TBX15: variants seen among roughly 807,000 people sequenced by gnomAD.
TBX15 encodes the protein T-box transcription factor TBX15.
A neutral mutation model predicts 53.9 loss-of-function variants in TBX15; 18 were observed. The observed-to-expected ratio is 0.33, with a 90% CI of 0.23 to 0.49. The LOEUF (loss-of-function observed/expected upper bound fraction) is 0.49, where lower values mean the gene tolerates loss of function less well. Ranked by LOEUF, TBX15 falls within the 20% of genes least tolerant of loss-of-function variation. The probability of loss-of-function intolerance (pLI) is 0.98; values close to 1 mark genes in which losing one functional copy is unlikely to be tolerated. For synonymous variants in TBX15, 295 were observed against 278.0 expected, an observed-to-expected ratio of 1.06 and a Z score of -0.61; for missense variants, 692 against 749.5, an observed-to-expected ratio of 0.92 and a Z score of 0.90.
chr1:118,892,677 T>C (rs1654187947), intron 7 of TBX15, among the ~76,000 whole-genome samples: 1 of 152,210 alleles, frequency 6.6e-6, no homozygotes, highest in Admixed American at 6.5e-5. Context: ...TTTTTTCTCC[T>C]ACTGGGTTTA....
intron 1 of TBX15, among the ~76,000 whole-genome samples, chr1:118,966,302 C>T (rs1657032179): frequency 6.6e-6 from 1 of 152,140 alleles, no homozygotes; most frequent in African/African-American, 2.4e-5. Flanking sequence ...CACCCAGCAG[C>T]GATTTCACAA....
At chr1:118,928,899 A>C (rs1053145343) in intron 2 of TBX15, among the ~76,000 whole-genome samples, 1 of 152,210 alleles carries the variant, frequency 6.6e-6, no homozygotes, top group African/African-American at 2.4e-5. Flanking sequence ...AATCGACTAG[A>C]TAATCTCTAC....
intron 7 of TBX15, among the ~76,000 whole-genome samples, chr1:118,888,840 A>G (rs1250225794): frequency 6.6e-6 from 1 of 151,814 alleles, no homozygotes; most frequent in African/African-American, 2.4e-5. Flanking sequence ...ACAACTCTAA[A>G]TGGTTTTCTC....
intron 1 of TBX15, among the ~76,000 whole-genome samples, chr1:118,967,776 A>T (rs1356752717): frequency 6.6e-6 from 1 of 152,228 alleles, no homozygotes; most frequent in Non-Finnish European, 1.5e-5. Context: ...TTTAATTCTA[A>T]TTTAATTCAT....
upstream of TBX15, among the ~76,000 whole-genome samples, chr1:118,988,741 G>A (rs1202352063): frequency 6.6e-6 from 1 of 152,234 alleles, no homozygotes; most frequent in Admixed American, 6.5e-5. Flanking sequence ...AAACGATTCT[G>A]ATAATTTCGC....
At chr1:118,974,255 A>G (rs182140782) in intron 1 of TBX15, among the ~76,000 whole-genome samples, 2 of 152,312 alleles carry the variant, frequency 1.3e-5, no homozygotes, top group Admixed American at 1.3e-4. Context: ...ATCAAATCCC[A>G]TCAATCAGTT....
intron 2 of TBX15, among the ~76,000 whole-genome samples, chr1:118,928,125 C>T (rs902273233): frequency 6.6e-6 from 1 of 152,170 alleles, no homozygotes; most frequent in Non-Finnish European, 1.5e-5. Flanking sequence ...GTTACACACT[C>T]ACTACTCATC....
chr1:118,928,880 AAC>A (rs925208576), intron 2 of TBX15, among the ~76,000 whole-genome samples: 4 of 152,202 alleles, frequency 2.6e-5, no homozygotes, highest in Non-Finnish European at 5.9e-5. Context: ...TCACCTATAA[AAC>A]AAAGGAAATC....
chr1:118,923,166 T>C (rs1291081814), intron 5 of TBX15, among the ~76,000 whole-genome samples: 1 of 152,060 alleles, frequency 6.6e-6, no homozygotes. Flanking sequence ...CTAAGGAATT[T>C]GAGATGGTTT....
intron 1 of TBX15, among the ~76,000 whole-genome samples, chr1:118,985,906 T>G (rs1297957719): frequency 3.9e-5 from 6 of 152,184 alleles, no homozygotes; most frequent in Non-Finnish European, 8.8e-5. Context: ...GCCTCCTGAA[T>G]GGAGCTCAGG....
chr1:118,928,433 T>C (rs1236123531), intron 2 of TBX15, among the ~76,000 whole-genome samples: 7 of 152,216 alleles, frequency 4.6e-5, no homozygotes. Context: ...GATACTCACA[T>C]TGACTAAATC....
chr1:118,987,524 G>A, intron 1 of TBX15, 67 bp downstream of exon 1: 2 of 1,496,576 alleles, frequency 1.3e-6, no homozygotes, highest in Non-Finnish European at 1.8e-6. Context: ...CCTCACCCGC[G>A]ACCGGCGACT....
intron 1 of TBX15, among the ~76,000 whole-genome samples, chr1:118,966,934 G>T (rs1200679042): frequency 2.0e-5 from 3 of 152,198 alleles, no homozygotes; most frequent in African/African-American, 7.2e-5. Flanking sequence ...CAGCCAGCTG[G>T]TTCAGTCAAA....
intron 2 of TBX15, among the ~76,000 whole-genome samples, chr1:118,928,851 G>A (rs1366890866): frequency 6.6e-6 from 1 of 152,066 alleles, no homozygotes; most frequent in Non-Finnish European, 1.5e-5. Flanking sequence ...TGTGACTTTG[G>A]ATAAATCATT....
intron 1 of TBX15, among the ~76,000 whole-genome samples, chr1:118,945,405 A>G (rs1656316356): frequency 6.6e-6 from 1 of 152,140 alleles, no homozygotes; most frequent in Non-Finnish European, 1.5e-5. Context: ...GCAGACTGAT[A>G]ATTGTATAAC....
intron 6 of TBX15, among the ~76,000 whole-genome samples, chr1:118,902,984 T>C: frequency 6.6e-6 from 1 of 152,140 alleles, no homozygotes; most frequent in East Asian, 1.9e-4. Context: ...GTGTTCCACA[T>C]GGTGAGCCTC....
intron 7 of TBX15, among the ~76,000 whole-genome samples, chr1:118,891,691 C>T (rs1035594017): frequency 6.6e-6 from 1 of 152,070 alleles, no homozygotes; most frequent in African/African-American, 2.4e-5. Flanking sequence ...AGATTTAAAC[C>T]TCAAAATATG....
intron 7 of TBX15, among the ~76,000 whole-genome samples, chr1:118,893,269 A>AGAAG (rs373917263): frequency 0.25 from 15,029 of 60,980 alleles, 2,455 homozygotes; most frequent in Non-Finnish European, 0.3. Flanking sequence ...AAAGAAAGGA[A>AGAAG]GAAGGAAGGA....
intron 1 of TBX15, among the ~76,000 whole-genome samples, chr1:118,977,279 T>C (rs1657465206): frequency 6.6e-6 from 1 of 152,220 alleles, no homozygotes; most frequent in South Asian, 2.1e-4. Context: ...CATATAATTG[T>C]TATATACACA....
Sources: gnomAD v4.1 joint callset for allele counts (sites outside exome capture counted in the v4.1 genomes callset) on GRCh38, gnomAD v4.1.1 for gene constraint, MANE v1.5 for transcripts, NCBI Gene and HGNC (gene_info 2026-07-23, HGNC 2026-07-21) for gene names.